RSRC1: variants seen among roughly 807,000 people sequenced by gnomAD.
RSRC1 encodes serine/Arginine-related protein 53.
A neutral mutation model predicts 49.1 loss-of-function variants in RSRC1; 39 were observed. The ratio of observed to expected loss-of-function variants is 0.79; its 90% CI spans 0.61 to 1.04. The LOEUF is 1.04. RSRC1 is among the 50% of genes least tolerant of loss of function. RSRC1 has a pLI of 0.00. For synonymous variants in RSRC1, 143 were observed against 130.8 expected (o/e 1.09, Z -0.63); for missense variants, 388 against 402.4 (o/e 0.96, Z 0.31).
intron 7 of RSRC1, among the ~76,000 whole-genome samples, chr3:158,482,464 C>G (rs956902445): frequency 1.3e-5 from 2 of 151,936 alleles, no homozygotes; most frequent in Non-Finnish European, 2.9e-5. Context: ...TAAAACAGCC[C>G]TTGGATTTTT....
chr3:158,533,165 A>G (rs951011396), intron 7 of RSRC1, among the ~76,000 whole-genome samples: 2 of 151,806 alleles, frequency 1.3e-5, no homozygotes, highest in Admixed American at 1.3e-4. Flanking sequence ...CTATTTTCAT[A>G]CAATAGAGCT....
chr3:158,381,428 G>T (rs538952004), intron 6 of RSRC1, among the ~76,000 whole-genome samples: 2 of 152,210 alleles, frequency 1.3e-5, no homozygotes, highest in East Asian at 1.9e-4. Context: ...GTGATCTCTC[G>T]CAGTTCTTGC....
chr3:158,178,029 T>C (rs1392970094), intron 3 of RSRC1, among the ~76,000 whole-genome samples: 1 of 152,184 alleles, frequency 6.6e-6, no homozygotes, highest in Non-Finnish European at 1.5e-5. Flanking sequence ...GGATATTGTT[T>C]TTAGCACCTT....
At chr3:158,421,330 G>A (rs2108338142) in intron 6 of RSRC1, among the ~76,000 whole-genome samples, 1 of 151,972 alleles carries the variant, frequency 6.6e-6, no homozygotes, top group Non-Finnish European at 1.5e-5. Flanking sequence ...AAAAACTATT[G>A]TAGGTTGTGG....
intron 6 of RSRC1, among the ~76,000 whole-genome samples, chr3:158,360,502 C>T (rs1393635918): frequency 6.6e-6 from 1 of 152,200 alleles, no homozygotes; most frequent in African/African-American, 2.4e-5. Context: ...GACACACAGG[C>T]TGCTTGCAGT....
chr3:158,165,301 A>G (rs1244687437), intron 3 of RSRC1, among the ~76,000 whole-genome samples: 1 of 152,224 alleles, frequency 6.6e-6, no homozygotes, highest in Non-Finnish European at 1.5e-5. Context: ...GAGATGAGCA[A>G]GGCTTTGTGA....
chr3:158,199,448 A>T (rs1720894324), intron 3 of RSRC1, among the ~76,000 whole-genome samples: 1 of 151,952 alleles, frequency 6.6e-6, no homozygotes, highest in African/African-American at 2.4e-5. Context: ...TTTCGCTGAG[A>T]CATTAATTTT....
chr3:158,110,964 C>T (rs1714349779), intron 1 of RSRC1, among the ~76,000 whole-genome samples: 1 of 152,186 alleles, frequency 6.6e-6, no homozygotes, highest in Non-Finnish European at 1.5e-5. Flanking sequence ...TTTAAATGCA[C>T]ACTGGAAACC....
chr3:158,460,346 C>A (rs1010716449), intron 6 of RSRC1, among the ~76,000 whole-genome samples: 1 of 151,850 alleles, frequency 6.6e-6, no homozygotes, highest in South Asian at 2.1e-4. Context: ...TCTTCCTCAA[C>A]ATCTGTAGTA....
At chr3:158,488,619 A>C (rs1273329317) in intron 7 of RSRC1, among the ~76,000 whole-genome samples, 1 of 152,166 alleles carries the variant, frequency 6.6e-6, no homozygotes, top group Non-Finnish European at 1.5e-5. Flanking sequence ...AACTCTAGCA[A>C]AGGGTCCATT....
intron 4 of RSRC1, among the ~76,000 whole-genome samples, chr3:158,257,392 A>G (rs1441197423): frequency 6.6e-6 from 1 of 152,124 alleles, no homozygotes; most frequent in Non-Finnish European, 1.5e-5. Flanking sequence ...TTCATTATAT[A>G]ATGACTTTGC....
intron 4 of RSRC1, among the ~76,000 whole-genome samples, chr3:158,227,781 A>G (rs558895842): frequency 6.6e-6 from 1 of 152,194 alleles, no homozygotes; most frequent in African/African-American, 2.4e-5. Context: ...TGGGCATACA[A>G]TCTCTGTTAC....
intron 6 of RSRC1, among the ~76,000 whole-genome samples, chr3:158,448,471 A>T (rs1201383581): frequency 1.3e-5 from 2 of 151,940 alleles, no homozygotes; most frequent in Non-Finnish European, 2.9e-5. Context: ...CAAAAGGCTT[A>T]TACAAAAGGC....
At chr3:158,471,412 G>A (rs1396477860) in intron 7 of RSRC1, among the ~76,000 whole-genome samples, 2 of 152,076 alleles carry the variant, frequency 1.3e-5, no homozygotes, top group Admixed American at 6.6e-5. Flanking sequence ...TATATACTGA[G>A]CATTCAGTAG....
At chr3:158,371,206 C>A (rs912388014) in intron 6 of RSRC1, among the ~76,000 whole-genome samples, 1 of 151,772 alleles carries the variant, frequency 6.6e-6, no homozygotes, top group African/African-American at 2.4e-5. Flanking sequence ...TTCTCCCAGT[C>A]CTTGTCTTGC....
At chr3:158,125,079 A>G (rs567974191) in intron 3 of RSRC1, among the ~76,000 whole-genome samples, 1 of 152,082 alleles carries the variant, frequency 6.6e-6, no homozygotes, top group South Asian at 2.1e-4. Flanking sequence ...TTATCCTTCC[A>G]AAGTGCTGGC....
chr3:158,159,483 C>A (rs745380007), intron 3 of RSRC1, among the ~76,000 whole-genome samples: 2 of 152,044 alleles, frequency 1.3e-5, no homozygotes, highest in South Asian at 2.1e-4. Flanking sequence ...GTTTGCATAA[C>A]TTTGTGGGAG....
chr3:158,215,217 A>G (rs1173132302), intron 4 of RSRC1, among the ~76,000 whole-genome samples: 1 of 150,232 alleles, frequency 6.7e-6, no homozygotes, highest in African/African-American at 2.4e-5. Flanking sequence ...TTGGCCTGGT[A>G]TATCTTTTTC....
intron 6 of RSRC1, among the ~76,000 whole-genome samples, chr3:158,452,536 A>G (rs910291951): frequency 6.6e-6 from 1 of 152,210 alleles, no homozygotes; most frequent in African/African-American, 2.4e-5. Flanking sequence ...TGTGATTACA[A>G]ATCTTGCCAG....
Sources: gnomAD v4.1 joint callset for allele counts (sites outside exome capture counted in the v4.1 genomes callset) on GRCh38, gnomAD v4.1.1 for gene constraint, MANE v1.5 for transcripts, NCBI Gene and HGNC (gene_info 2026-07-23, HGNC 2026-07-21) for gene names.